The following VPS13A variants were observed in gnomAD, a reference collection of about 807,000 sequenced individuals.
VPS13A encodes intermembrane lipid transfer protein VPS13A.
A neutral mutation model predicts 390.9 loss-of-function variants in VPS13A; 264 were observed. The ratio of observed to expected loss-of-function variants is 0.68; its 90% CI spans 0.61 to 0.75. The LOEUF (loss-of-function observed/expected upper bound fraction) is 0.75. Ranked by LOEUF, VPS13A falls within the 30% of genes least tolerant of loss-of-function variation. VPS13A has a pLI of 0.00. For synonymous variants in VPS13A, 1,231 were observed against 1,227.1 expected (o/e 1.00, Z -0.07); for missense variants, 3,409 against 3,733.9 (o/e 0.91, Z 2.27).
chr9:77,226,825 A>T (rs894476957), intron 15 of VPS13A, among the ~76,000 whole-genome samples: 6 of 152,148 alleles, frequency 3.9e-5, no homozygotes, highest in African/African-American at 1.4e-4. Flanking sequence ...ATGCCCAGAG[A>T]TTTAGTGAAT....
chr9:77,183,095 A>T (rs1157070029), intron 1 of VPS13A, among the ~76,000 whole-genome samples: 2 of 152,214 alleles, frequency 1.3e-5, no homozygotes, highest in Non-Finnish European at 2.9e-5. Context: ...AGATACTTTA[A>T]TAAAACTTTA....
intron 23 of VPS13A, among the ~76,000 whole-genome samples, chr9:77,262,045 C>G (rs1825790721): frequency 6.6e-6 from 1 of 152,202 alleles, no homozygotes; most frequent in South Asian, 2.1e-4. Context: ...CCTAAGTTTA[C>G]TATTTTAATT....
chr9:77,223,720 C>T (rs1272354335), intron 13 of VPS13A, among the ~76,000 whole-genome samples: 1 of 151,740 alleles, frequency 6.6e-6, no homozygotes, highest in Non-Finnish European at 1.5e-5. Context: ...GTCTCTATAA[C>T]AAAAGTATAA....
intron 31 of VPS13A, among the ~76,000 whole-genome samples, chr9:77,284,075 C>T (rs1380148938): frequency 6.6e-6 from 1 of 150,574 alleles, no homozygotes; most frequent in East Asian, 2.0e-4. Flanking sequence ...TTATTGTCAT[C>T]AGCGATCACT....
chr9:77,372,256 A>C (rs1587680303), intron 67 of VPS13A, among the ~76,000 whole-genome samples: 1 of 151,882 alleles, frequency 6.6e-6, no homozygotes. Context: ...GAACTAGTTT[A>C]CAGTCCCACC....
chr9:77,210,545 G>A (rs1347527286), intron 6 of VPS13A, 71 bp from the exon 7 acceptor site: 3 of 1,506,512 alleles, frequency 2.0e-6, no homozygotes, highest in Admixed American at 1.7e-5. Flanking sequence ...CACATTGACA[G>A]TTTTTTCTAT....
At position 77,228,281 on chromosome 9, in the gene VPS13A, C is replaced by A; in HGVS notation, c.1595+17C>A. On this transcript the variant is annotated intron_variant, in intron 17 of 71. Transcript: ENST00000360280. ...AGCAATAAAGTAAGTATTAATTTATCTTTTTTTATCATATATGAAAAAACT... is the reference window on the plus strand; with the variant it reads ...AGCAATAAAGTAAGTATTAATTTATATTTTTTTATCATATATGAAAAAACT... The A allele has an allele frequency of 6.4e-7, 1 of 1,562,894 alleles. No homozygotes were observed. The highest frequency in any genetic ancestry group is 8.7e-7 in the Non-Finnish European group (1 of 1,152,324).
At chr9:77,389,570 G>A (rs1442577790) in intron 68 of VPS13A, 1 of 152,132 alleles carries the variant, frequency 6.6e-6, no homozygotes, top group Non-Finnish European at 1.5e-5. Context: ...CTCCCAAAGT[G>A]TTGGGATTTC....
chr9:77,230,134 C>T (rs550696530), intron 17 of VPS13A, among the ~76,000 whole-genome samples: 8 of 151,868 alleles, frequency 5.3e-5, no homozygotes, highest in East Asian at 3.9e-4. Flanking sequence ...TTTTTATTAT[C>T]GATTTGCAAG....
rs776925916 is a variant in VPS13A, at chr9:77,238,085, A to T, written c.1679A>T (p.Asp560Val). 26 of 1,613,500 alleles carry T rather than the reference A, an allele frequency of 1.6e-5. No individual in the cohort carries two copies. The highest frequency in any genetic ancestry group is 2.0e-5 in the Non-Finnish European group (24 of 1,179,566). ...EKPRLLSSLDDAMSLFQITFE... is the reference protein window; with the variant it reads ...EKPRLLSSLDVAMSLFQITFE... ...CCCCGCCTCCTGTCTTCATTGGATG[A>T]TGCAATGTCACTTTTCCAAATTACA... Residue 560 changes from aspartate to valine, a missense_variant, in exon 18 of 72, where the codon GAT (aspartate) becomes GTT (valine). Asp to Val is a radical substitution (Grantham distance 152). Around this residue, in one of 5 missense-constraint regions of VPS13A, gnomAD observed 2,717 missense variants for 2,917.4 expected, o/e 0.93. Transcript: ENST00000360280.
intron 1 of VPS13A, among the ~76,000 whole-genome samples, chr9:77,185,031 A>C (rs574130826): frequency 1.5e-4 from 23 of 152,124 alleles, no homozygotes; most frequent in Admixed American, 1.5e-3. Flanking sequence ...GCGAACCCTG[A>C]TTTATAGCTG....
At chr9:77,363,398 T>A (rs77037871) in intron 59 of VPS13A, among the ~76,000 whole-genome samples, 30 of 92,254 alleles carry the variant, frequency 3.3e-4, no homozygotes, top group South Asian at 9.0e-4. Context: ...TAATTTTTTT[T>A]TTTTTATTTT....
chr9:77,376,976 A>T (rs573761302), intron 67 of VPS13A, among the ~76,000 whole-genome samples: 5 of 152,308 alleles, frequency 3.3e-5, no homozygotes, highest in African/African-American at 1.2e-4. Flanking sequence ...CAGTTTGTCA[A>T]TTTCTACAAA....
chr9:77,343,561 T>G (rs1830957982), intron 50 of VPS13A, among the ~76,000 whole-genome samples: 2 of 152,332 alleles, frequency 1.3e-5, no homozygotes, highest in South Asian at 4.1e-4. Context: ...TCCAGTCTTC[T>G]CTGTAGTACC....
intron 25 of VPS13A, among the ~76,000 whole-genome samples, 198 bp downstream of exon 25, chr9:77,275,850 T>C (rs1826635396): frequency 6.8e-6 from 1 of 147,344 alleles, no homozygotes; most frequent in Admixed American, 6.9e-5. Context: ...TAATCAAGAG[T>C]GAAGGATTTA....
At chr9:77,188,466 G>A (rs1424759529) in intron 1 of VPS13A, among the ~76,000 whole-genome samples, 1 of 152,212 alleles carries the variant, frequency 6.6e-6, no homozygotes, top group Non-Finnish European at 1.5e-5. Flanking sequence ...TCATGGCTGT[G>A]TGGTAGTCCA....
intron 1 of VPS13A, among the ~76,000 whole-genome samples, chr9:77,184,292 A>G (rs887055706): frequency 2.6e-5 from 4 of 152,158 alleles, no homozygotes; most frequent in African/African-American, 7.2e-5. Context: ...ATACACATCT[A>G]TTCTGCTTTG....
At chr9:77,238,530 C>CT (rs1257841306) in intron 19 of VPS13A, 144 bp downstream of exon 19, 6 of 726,516 alleles carry the variant, frequency 8.3e-6, no homozygotes, top group Non-Finnish European at 1.4e-5. Flanking sequence ...TAATTTAGTA[C>CT]TTTTATGTTT....
At chr9:77,221,909 C>T (rs1027487252) in intron 13 of VPS13A, among the ~76,000 whole-genome samples, 3 of 152,004 alleles carry the variant, frequency 2.0e-5, no homozygotes, top group African/African-American at 7.2e-5. Context: ...TTATACAGAG[C>T]CCTTTTTCTC....
Sources: allele counts gnomAD v4.1 joint callset (sites outside exome capture counted in the v4.1 genomes callset), GRCh38; gene constraint gnomAD v4.1.1; regional missense constraint gnomAD v4.1.1; transcripts MANE v1.5; gene names NCBI Gene and HGNC (gene_info 2026-07-23, HGNC 2026-07-21).